Variants in LRP2BP observed in about 807,000 individuals in gnomAD.
The protein encoded by LRP2BP is LRP2-binding protein.
A neutral mutation model predicts 45.2 loss-of-function variants in LRP2BP; 38 were observed. The ratio of observed to expected loss-of-function variants is 0.84; its 90% CI spans 0.65 to 1.10. LRP2BP has a LOEUF of 1.10. Among genes scored for constraint, LRP2BP ranks in the 50% least tolerant of loss-of-function variants. LRP2BP has a pLI of 0.00. For missense variants in LRP2BP, 385 were observed against 418.9 expected, an observed-to-expected ratio of 0.92 and a Z score of 0.71; for synonymous variants, 153 against 153.9, an observed-to-expected ratio of 0.99 and a Z score of 0.04.
chr4:185,394,928 T>C lies in LRP2BP; in HGVS notation c.-171A>G, dbSNP rs544152080. ...TTAGATCATCTTCCGTTTTAGAAAA[T>C]TGATCCCACCTGCTACACGCCTGGT... On this transcript the variant is annotated 5_prime_UTR_variant, in exon 1 of 9. Transcript: ENST00000505916. 13 of 985,430 alleles carry C rather than the reference T, an allele frequency of 1.3e-5. No individual in the cohort carries two copies. In the South Asian group the frequency reaches 5.6e-4, roughly 43 times the overall value. The allele number at this position is 985,430 out of a possible 1,614,324, so 61.0% of individuals were successfully genotyped here.
chr4:185,375,769 T>C lies in LRP2BP; in HGVS notation c.217-43A>G, dbSNP rs771680533. The C allele has an allele frequency of 4.4e-6, 6 of 1,357,800 alleles. No homozygotes were observed. In the African/African-American group the frequency reaches 5.8e-5, roughly 13 times the overall value. 84.1% of individuals were successfully genotyped at this position (1,357,800 alleles called of 1,614,324 possible). A position where few individuals can be genotyped will look rare whatever the true frequency, so the allele number is the denominator to read the frequency against. ...ATATTTAATTATTTTTATTATGATC[T>C]TAAAGTAATCCCAAAGGCACCAAGT... On this transcript the variant is annotated intron_variant, in intron 3 of 8. Transcript: ENST00000505916.
chr4:185,370,600 T>C lies in LRP2BP; in HGVS notation c.978+40A>G, dbSNP rs2293367. On this transcript the variant is annotated intron_variant, in intron 8 of 8. Coordinates refer to ENST00000505916, the MANE Select transcript of LRP2BP (RefSeq NM_001377440.1). ...CAAGTTGCAGCTAAAAGCCTGGCAG[T>C]TTCTCTTTGGGTGAATTTATATTTT... 2,307 of 1,597,390 alleles carry C rather than the reference T, an allele frequency of 1.4e-3. 18 individuals are homozygous for C. The East Asian group carries it at 0.023, about 16-fold the overall frequency.
At chr4:185,370,446 A>G (rs186014949) in intron 8 of LRP2BP, among the ~76,000 whole-genome samples, 194 bp downstream of exon 8, 1 of 152,282 alleles carries the variant, frequency 6.6e-6, no homozygotes, top group Admixed American at 6.5e-5. Flanking sequence ...TAATCATTGG[A>G]GCTAAATTAT....
chr4:185,366,958 A>AGGT lies in LRP2BP; in HGVS notation c.*219_*221dup. 2.1e-6 allele frequency: 1 copy of AGGT among 472,386 alleles called. No homozygotes were observed. The highest frequency in any genetic ancestry group is 5.7e-4 in the Middle Eastern group (1 of 1,766). 29.3% of individuals were successfully genotyped at this position (472,386 alleles called of 1,614,324 possible). On this transcript the variant is annotated 3_prime_UTR_variant, in exon 9 of 9. Transcript: ENST00000505916. ...GGTCTCGGCCAGTCTGTAGGGTAAG[A>AGGT]GGTGGACCTCTGAGGACTCTTCCAG...
intron 1 of LRP2BP, among the ~76,000 whole-genome samples, chr4:185,384,527 C>G (rs2095464752): frequency 6.6e-6 from 1 of 151,604 alleles, no homozygotes. Context: ...TCTTTTGACA[C>G]TTAATAGTTG....
intron 1 of LRP2BP, among the ~76,000 whole-genome samples, chr4:185,389,461 C>G (rs1227798536): frequency 6.6e-6 from 1 of 151,620 alleles, no homozygotes; most frequent in Non-Finnish European, 1.5e-5. Context: ...CCGCCCACCT[C>G]AGCCTCCCAA....
rs1158179576 is a variant in LRP2BP at position 185,366,261 on chromosome 4, T to C, written c.*919A>G. 1 of 152,238 alleles carries C rather than the reference T, an allele frequency of 6.6e-6. No homozygotes were observed. The highest frequency in any genetic ancestry group is 1.5e-5 in the Non-Finnish European group (1 of 68,036). The allele number at this position is 152,238 out of a possible 1,614,324, so 9.4% of individuals were successfully genotyped here. On this transcript the variant is annotated 3_prime_UTR_variant, in exon 9 of 9. Transcript: ENST00000505916. The stretch of plus-strand genomic sequence containing the variant: ...AAGCCTTTTGCTAATTTTAACAATA[T>C]TTAATTGTAGTTCTTGTAAATGATT...
intron 8 of LRP2BP, among the ~76,000 whole-genome samples, chr4:185,368,273 T>A (rs919016059): frequency 2.0e-5 from 3 of 152,226 alleles, no homozygotes; most frequent in Non-Finnish European, 2.9e-5. Flanking sequence ...AATGCTGGTT[T>A]CACAGAAACC....
At chr4:185,380,906 G>A (rs916757178) in intron 1 of LRP2BP, among the ~76,000 whole-genome samples, 15 of 151,142 alleles carry the variant, frequency 9.9e-5, no homozygotes, top group African/African-American at 3.7e-4. Context: ...TCTCTCTTTA[G>A]CCACATCTAG....
intron 7 of LRP2BP, 171 bp from the exon 8 acceptor site, chr4:185,370,985 G>A (rs1037796546): frequency 1.7e-6 from 1 of 593,802 alleles, no homozygotes; most frequent in Non-Finnish European, 2.9e-6. Context: ...CATACCAGGA[G>A]AAGATGAGCT....
chr4:185,396,954 A>G, upstream of LRP2BP: 1 of 1,613,608 alleles, frequency 6.2e-7, no homozygotes, highest in Non-Finnish European at 8.5e-7. Context: ...CCCCGAGGTG[A>G]GATTCGGGCT....
chr4:185,376,944 C>T lies in LRP2BP; in HGVS notation c.181G>A (p.Ala61Thr). The T allele has an allele frequency of 6.2e-7, 1 of 1,613,670 alleles. No homozygotes were observed. The highest frequency in any genetic ancestry group is 8.5e-7 in the Non-Finnish European group (1 of 1,179,650). ...TATAGTTGACCTCGTAGGAAATATGCCAGAGTGTCTCCTTTCAGTATTCTT... is the reference window on the plus strand; with the variant it reads ...TATAGTTGACCTCGTAGGAAATATGTCAGAGTGTCTCCTTTCAGTATTCTT... ...KERILKGDTL[A>T]YFLRGQLYFE... is the part of the protein sequence containing the mutation. The change falls in exon 3 of 9, where the codon GCA becomes ACA. Residue 61 changes from alanine (A) to threonine (T), a missense_variant. Physicochemically the swap from Ala to Thr is moderately conservative, Grantham distance 58 (BLOSUM62 0). Transcript: ENST00000505916.
chr4:185,378,054 G>A (rs1348838149), intron 2 of LRP2BP, 27 bp downstream of exon 2: 1 of 1,565,470 alleles, frequency 6.4e-7, no homozygotes, highest in African/African-American at 1.4e-5. Flanking sequence ...TGTTTTCCAA[G>A]GGAAGCTTAA....
intron 2 of LRP2BP, 24 bp downstream of exon 2, chr4:185,378,057 A>T (rs2095443979): frequency 1.3e-6 from 2 of 1,571,944 alleles, no homozygotes; most frequent in African/African-American, 2.7e-5. Context: ...TTTCCAAGGG[A>T]AGCTTAAATA....
At chr4:185,377,443 A>C (rs1043329227) in intron 2 of LRP2BP, 2 of 164,370 alleles carry the variant, frequency 1.2e-5, no homozygotes, top group African/African-American at 4.8e-5. Context: ...GCTTGACCCC[A>C]GGAGGCGGAG....
chr4:185,396,932 G>A (rs2126866811), upstream of LRP2BP: 2 of 1,613,624 alleles, frequency 1.2e-6, no homozygotes, highest in Non-Finnish European at 1.7e-6. Context: ...AAATGCTGTT[G>A]CTGGATTGCA....
rs887223948 is a variant in LRP2BP at position 185,375,688 on chromosome 4, G to C, written c.255C>G (p.Ile85Met). The C allele has an allele frequency of 2.5e-6, 4 of 1,611,444 alleles. No individual in the cohort carries two copies. The highest frequency in any genetic ancestry group is 1.7e-5 in the Admixed American group (1 of 59,792). ...YEEALEQFEE[I>M]KEKDHQATYQ... ...AAGTTGCTTGATGGTCTTTCTCCTTGATTTCTTCAAACTGTTCTAATGCTT... is the reference window on the plus strand; with the variant it reads ...AAGTTGCTTGATGGTCTTTCTCCTTCATTTCTTCAAACTGTTCTAATGCTT... Residue 85 changes from isoleucine to methionine, a missense_variant, in exon 4 of 9, where the codon ATC becomes ATG. Ile to Met is a conservative substitution (Grantham distance 10). Coordinates refer to ENST00000505916, the MANE Select transcript of LRP2BP (RefSeq NM_001377440.1).
At chr4:185,368,185 A>G (rs1256282505) in intron 8 of LRP2BP, among the ~76,000 whole-genome samples, 1 of 152,220 alleles carries the variant, frequency 6.6e-6, no homozygotes, top group African/African-American at 2.4e-5. Flanking sequence ...CTCAAAAAAA[A>G]GAAAACTTTC....
rs540878495 is a variant in LRP2BP at position 185,373,217 on chromosome 4, C to T, written c.580-138G>A. ...TAGGAAAGAGCGGTAGGCCTTTGGA[C>T]GCATTTCACACTAGCACACATGCCT... On this transcript the variant is annotated intron_variant, in intron 6 of 8. Coordinates refer to ENST00000505916, the MANE Select transcript of LRP2BP (RefSeq NM_001377440.1). 3.3e-4 allele frequency: 249 copies of T among 762,796 alleles called. 4 individuals are homozygous for T. The highest frequency in any genetic ancestry group is 2.6e-3 in the African/African-American group (150 of 57,038). 47.3% of individuals were successfully genotyped at this position (762,796 alleles called of 1,614,324 possible).
Sources: gnomAD v4.1 joint callset for allele counts (sites outside exome capture counted in the v4.1 genomes callset) on GRCh38, gnomAD v4.1.1 for gene constraint, MANE v1.5 for transcripts, NCBI Gene and HGNC (gene_info 2026-07-23, HGNC 2026-07-21) for gene names.